Variants in GAREM1 observed in about 807,000 individuals in gnomAD.
The protein encoded by GAREM1 is GRB2 associated regulator of MAPK1 subtype 1, also known as GRB2-associated and regulator of MAPK protein 1.
In GAREM1, 26 loss-of-function variants were observed where a neutral mutation model predicts 71.3. That is an observed-to-expected ratio of 0.36 (90% confidence interval 0.27 to 0.51). GAREM1 has a LOEUF of 0.51. Among genes scored for constraint, GAREM1 ranks in the 20% least tolerant of loss-of-function variants. The pLI is 0.95. For synonymous variants in GAREM1, 440 were observed against 433.2 expected, an observed-to-expected ratio of 1.02 and a Z score of -0.20; for missense variants, 1,026 against 1,103.1, an observed-to-expected ratio of 0.93 and a Z score of 0.99.
At chr18:32,288,255 C>G in intron 3 of GAREM1, 52 bp from the exon 4 acceptor site, 1 of 1,420,042 alleles carries the variant, frequency 7.0e-7, no homozygotes, top group Non-Finnish European at 9.5e-7. Context: ...TCTATTCACG[C>G]AAAGAACTTC....
At chr18:32,319,861 A>G (rs1326967874) in intron 2 of GAREM1, among the ~76,000 whole-genome samples, 3 of 152,216 alleles carry the variant, frequency 2.0e-5, no homozygotes, top group African/African-American at 7.2e-5. Context: ...AAAGAACTGC[A>G]CATTATTTCA....
chr18:32,443,369 A>C lies in GAREM1; in HGVS notation c.121+26939T>G, dbSNP rs546065273. ...GAAAAGATAACCCATATAGTAGAAG[A>C]AAGTATTTACAAAACATTTATCTGA... On this transcript the variant is annotated intron_variant, in intron 1 of 5. Transcript: ENST00000269209. Among the ~76,000 whole-genome samples the C allele has an allele frequency of 5.3e-5, 8 of 152,296 alleles. No individual in the cohort carries two copies. In the East Asian group the frequency reaches 1.3e-3, roughly 26 times the overall value.
intron 1 of GAREM1, among the ~76,000 whole-genome samples, chr18:32,402,140 C>T (rs2048321224): frequency 6.6e-6 from 1 of 152,154 alleles, no homozygotes; most frequent in South Asian, 2.1e-4. Flanking sequence ...CATAATTATT[C>T]TGTTGCTTAA....
At chr18:32,442,602 T>C (rs1306202775) in intron 1 of GAREM1, among the ~76,000 whole-genome samples, 2 of 152,170 alleles carry the variant, frequency 1.3e-5, no homozygotes, top group Non-Finnish European at 2.9e-5. Context: ...GAAGAGAATA[T>C]ATTGTGAAGT....
At chr18:32,382,814 TA>T (rs2048110227) in intron 2 of GAREM1, among the ~76,000 whole-genome samples, 1 of 152,076 alleles carries the variant, frequency 6.6e-6, no homozygotes, top group Non-Finnish European at 1.5e-5. Flanking sequence ...ACTCGCTGCA[TA>T]ATTACTCTGT....
At chr18:32,324,801 A>C (rs1000289778) in intron 2 of GAREM1, among the ~76,000 whole-genome samples, 40 of 152,366 alleles carry the variant, frequency 2.6e-4, no homozygotes, top group African/African-American at 9.1e-4. Context: ...GACATGGGGG[A>C]AACTTAAATG....
chr18:32,279,842 A>C (rs1397455461), intron 4 of GAREM1, among the ~76,000 whole-genome samples: 1 of 152,194 alleles, frequency 6.6e-6, no homozygotes, highest in Non-Finnish European at 1.5e-5. Flanking sequence ...CAATAGACAC[A>C]GAAGAAGAAA....
At chr18:32,294,439 G>GAAAGGTTGA (rs1158553581) in intron 3 of GAREM1, among the ~76,000 whole-genome samples, 1 of 152,150 alleles carries the variant, frequency 6.6e-6, no homozygotes, top group African/African-American at 2.4e-5. Flanking sequence ...ATTTAAAAAT[G>GAAAGGTTGA]AAAGGTTGAA....
intron 1 of GAREM1, among the ~76,000 whole-genome samples, chr18:32,451,482 T>A (rs980016412): frequency 6.6e-6 from 1 of 152,184 alleles, no homozygotes; most frequent in Non-Finnish European, 1.5e-5. Context: ...AGGGCATTAG[T>A]ACCCAAGTCA....
intron 1 of GAREM1, 90 bp from the exon 2 acceptor site, chr18:32,393,125 C>A (rs2048219111): frequency 7.9e-7 from 1 of 1,273,024 alleles, no homozygotes; most frequent in Non-Finnish European, 1.1e-6. Flanking sequence ...TAAAACTTGA[C>A]TAATGCAGAA....
At chr18:32,353,014 T>A (rs572878323) in intron 2 of GAREM1, among the ~76,000 whole-genome samples, 1 of 152,350 alleles carries the variant, frequency 6.6e-6, no homozygotes, top group South Asian at 2.1e-4. Flanking sequence ...ATCTTTCAAT[T>A]ACAAATTTCC....
intron 1 of GAREM1, among the ~76,000 whole-genome samples, chr18:32,399,503 T>C (rs2048290642): frequency 6.6e-6 from 1 of 152,034 alleles, no homozygotes; most frequent in South Asian, 2.1e-4. Context: ...TGTGCAAAAA[T>C]CACAAGCATT....
rs999874909 is a variant in GAREM1 at position 32,430,872 on chromosome 18, T to A, written c.122-37837A>T. Among the ~76,000 whole-genome samples the A allele has an allele frequency of 3.9e-5, 6 of 152,232 alleles. No homozygotes were observed. In the South Asian group the frequency reaches 6.2e-4, roughly 16 times the overall value. ...GCCCTGTAAATGCAATTGTGGGGAG[T>A]GCAGGGCAGAGAGGAAAAGCTAAAG... On this transcript the variant is annotated intron_variant, in intron 1 of 5. Coordinates refer to ENST00000269209, the MANE Select transcript of GAREM1 (RefSeq NM_001242409.2).
intron 1 of GAREM1, among the ~76,000 whole-genome samples, chr18:32,443,310 A>T (rs911823828): frequency 2.6e-5 from 4 of 152,154 alleles, no homozygotes; most frequent in Non-Finnish European, 4.4e-5. Flanking sequence ...TAAAATTAAA[A>T]TTTTTGTGCT....
At chr18:32,396,847 A>G (rs1253518551) in intron 1 of GAREM1, among the ~76,000 whole-genome samples, 1 of 152,162 alleles carries the variant, frequency 6.6e-6, no homozygotes, top group African/African-American at 2.4e-5. Flanking sequence ...TCCAAGACAC[A>G]TAACTGTCAG....
At chr18:32,323,505 C>G (rs1465308125) in intron 2 of GAREM1, among the ~76,000 whole-genome samples, 3 of 152,162 alleles carry the variant, frequency 2.0e-5, no homozygotes, top group Non-Finnish European at 4.4e-5. Flanking sequence ...GTGGGCAGAT[C>G]ACTTGAGGCC....
chr18:32,342,497 T>C (rs1444932360), intron 2 of GAREM1, among the ~76,000 whole-genome samples: 2 of 152,152 alleles, frequency 1.3e-5, no homozygotes, highest in African/African-American at 2.4e-5. Flanking sequence ...GGCTGAGACA[T>C]ATGGGATAGC....
intron 1 of GAREM1, chr18:32,412,435 C>G: frequency 6.3e-7 from 1 of 1,587,544 alleles, no homozygotes; most frequent in Non-Finnish European, 8.5e-7. Context: ...CCATCATTAC[C>G]AAATCCATTA....
intron 2 of GAREM1, among the ~76,000 whole-genome samples, chr18:32,388,162 T>C (rs569323500): frequency 2.0e-4 from 31 of 152,120 alleles, no homozygotes; most frequent in Admixed American, 4.6e-4. Context: ...ATAGGACCAT[T>C]TGAAGAAACA....
Sources: allele counts gnomAD v4.1 joint callset (sites outside exome capture counted in the v4.1 genomes callset), GRCh38; gene constraint gnomAD v4.1.1; transcripts MANE v1.5; gene names NCBI Gene and HGNC (gene_info 2026-07-23, HGNC 2026-07-21).